Variants in SOD2 observed in about 807,000 individuals in gnomAD.
SOD2 encodes superoxide dismutase 2.
Under a neutral mutation model 27.0 loss-of-function variants are expected in SOD2, and 11 were observed. The observed-to-expected ratio is 0.41, with a 90% CI of 0.26 to 0.67. The LOEUF (loss-of-function observed/expected upper bound fraction) is 0.67, where lower values mean the gene tolerates loss of function less well. Among genes scored for constraint, SOD2 ranks in the 30% least tolerant of loss-of-function variants. The pLI is 0.34. For missense variants in SOD2, 250 were observed against 274.5 expected (o/e 0.91, Z 0.63); for synonymous variants, 105 against 103.0 (o/e 1.02, Z -0.12).
At chr6:159,716,819 G>T (rs1250186837) in intron 1 of SOD2, among the ~76,000 whole-genome samples, 1 of 152,114 alleles carries the variant, frequency 6.6e-6, no homozygotes, top group African/African-American at 2.4e-5. Flanking sequence ...AATTCCAGTA[G>T]CACACTTGTT....
chr6:159,705,699 T>C (rs1048021551), intron 1 of SOD2, among the ~76,000 whole-genome samples: 4 of 152,202 alleles, frequency 2.6e-5, no homozygotes, highest in African/African-American at 9.7e-5. Flanking sequence ...CTCTGCAGGA[T>C]ATTATCCAGG....
At chr6:159,742,299 T>C (rs773529225) in intron 1 of SOD2, among the ~76,000 whole-genome samples, 4 of 152,200 alleles carry the variant, frequency 2.6e-5, no homozygotes, top group Non-Finnish European at 4.4e-5. Flanking sequence ...CAAGAAAATA[T>C]AAAGATGAAT....
chr6:159,749,337 G>T, upstream of SOD2: 1 of 985,520 alleles, frequency 1.0e-6, no homozygotes, highest in Non-Finnish European at 1.2e-6. Flanking sequence ...TTTGTCGTTG[G>T]TGTTAATGGG....
chr6:159,749,439 T>G, upstream of SOD2: 1 of 984,168 alleles, frequency 1.0e-6, no homozygotes, highest in Non-Finnish European at 1.2e-6. Context: ...TTTTTTTTTT[T>G]TTAAGTTCAA....
intron 1 of SOD2, chr6:159,755,168 A>G (rs752368470): frequency 1.2e-6 from 2 of 1,614,178 alleles, no homozygotes; most frequent in East Asian, 4.5e-5. Context: ...CTCTGCCCCA[A>G]GTACCAGCAG....
At chr6:159,705,807 C>T (rs1326008052) in intron 1 of SOD2, among the ~76,000 whole-genome samples, 375 of 129,422 alleles carry the variant, frequency 2.9e-3, no homozygotes, top group Admixed American at 6.4e-3. Context: ...CTCCAAGACA[C>T]ATAATTGTCA....
upstream of SOD2, among the ~76,000 whole-genome samples, chr6:159,694,217 TAAGTATC>T: frequency 6.6e-6 from 1 of 152,348 alleles, no homozygotes; most frequent in East Asian, 1.9e-4. Flanking sequence ...AGTAAGCTGT[TAAGTATC>T]AAGTGCTCTC....
At chr6:159,700,763 C>G (rs1777510657) in intron 1 of SOD2, among the ~76,000 whole-genome samples, 1 of 151,726 alleles carries the variant, frequency 6.6e-6, no homozygotes, top group East Asian at 1.9e-4. Context: ...AAATGAAGAA[C>G]AAATATCTCT....
Position 159,676,865 on chromosome 6 carries a change from A to G in SOD2, c.*5628T>C, listed in dbSNP as rs1321765532. 1.3e-5 allele frequency: 2 copies of G among 152,240 alleles called. No homozygotes were observed. Among genetic ancestry groups the G allele is most frequent in the Admixed American group, 6.5e-5 (1 of 15,280 alleles). The allele number at this position is 152,240 out of a possible 1,614,324, so 9.4% of individuals were successfully genotyped here. A position where few individuals can be genotyped will look rare whatever the true frequency, so the allele number is the denominator to read the frequency against. On this transcript the variant is annotated 3_prime_UTR_variant, in exon 5 of 5. Coordinates refer to ENST00000538183, the MANE Select transcript of SOD2 (RefSeq NM_000636.4). ...CAATATCCCACAGGTGCTCTGGTAA[A>G]ATCTCCAAGACCAGGACCCAGGTCT...
chr6:159,701,849 G>A (rs1029970887), intron 1 of SOD2, among the ~76,000 whole-genome samples: 4 of 152,124 alleles, frequency 2.6e-5, no homozygotes, highest in African/African-American at 4.8e-5. Flanking sequence ...ATTTCAGTGG[G>A]GATTTTAGGA....
intron 1 of SOD2, among the ~76,000 whole-genome samples, chr6:159,759,538 C>T (rs62437348): frequency 0.21 from 31,780 of 151,380 alleles, 3,472 homozygotes; most frequent in East Asian, 0.4. Flanking sequence ...GGCATGATGG[C>T]ACGGGCCTGT....
intron 1 of SOD2, among the ~76,000 whole-genome samples, chr6:159,706,780 T>C (rs990303708): frequency 4.6e-5 from 7 of 152,268 alleles, no homozygotes; most frequent in Admixed American, 4.6e-4. Context: ...AATAGACACC[T>C]ACAGAACTCT....
At chr6:159,715,155 G>A (rs1027605481) in intron 1 of SOD2, among the ~76,000 whole-genome samples, 1 of 152,018 alleles carries the variant, frequency 6.6e-6, no homozygotes, top group Non-Finnish European at 1.5e-5. Context: ...GTAGGAGAGA[G>A]TTTGGATGGG....
At chr6:159,690,070 G>A (rs2114784498) in intron 2 of SOD2, among the ~76,000 whole-genome samples, 1 of 150,956 alleles carries the variant, frequency 6.6e-6, no homozygotes, top group African/African-American at 2.4e-5. Context: ...GATCACTTGA[G>A]GTCAGGAGTT....
intron 2 of SOD2, among the ~76,000 whole-genome samples, chr6:159,688,538 CAAAAT>C (rs111266120): frequency 1.3e-5 from 2 of 152,178 alleles, no homozygotes; most frequent in African/African-American, 4.8e-5. Context: ...AGAGGACAAT[CAAAAT>C]AATAGAATGC....
chr6:159,674,681 T>A lies in SOD2; in HGVS notation c.*7812A>T, dbSNP rs1177190801. On this transcript the variant is annotated 3_prime_UTR_variant, in exon 5 of 5. Coordinates refer to ENST00000538183, the MANE Select transcript of SOD2 (RefSeq NM_000636.4). ...AACTGGAAGCATTCCCTTTGAAAAC[T>A]GGCACAAGACAGGGATGCCCTCTCT... The A allele has an allele frequency of 6.6e-6, 1 of 152,210 alleles. No individual in the cohort carries two copies. Among genetic ancestry groups the A allele is most frequent in the East Asian group, 1.9e-4 (1 of 5,190 alleles). 9.4% of individuals were successfully genotyped at this position (152,210 alleles called of 1,614,324 possible).
chr6:159,740,798 G>A (rs950854004), intron 1 of SOD2, among the ~76,000 whole-genome samples: 2 of 151,332 alleles, frequency 1.3e-5, no homozygotes, highest in African/African-American at 4.9e-5. Flanking sequence ...CCGCCTCCCG[G>A]TCAAGCGGTT....
intron 1 of SOD2, chr6:159,755,143 G>A (rs1436991218): frequency 6.2e-7 from 1 of 1,614,166 alleles, no homozygotes; most frequent in Admixed American, 1.7e-5. Flanking sequence ...AGTACCAGCA[G>A]CAGCAGTCTC....
At chr6:159,706,948 C>T (rs1426631052) in intron 1 of SOD2, among the ~76,000 whole-genome samples, 1 of 152,102 alleles carries the variant, frequency 6.6e-6, no homozygotes, top group Non-Finnish European at 1.5e-5. Context: ...CAAACTAGAA[C>T]TCAGGATTAA....
Sources: allele counts gnomAD v4.1 joint callset (sites outside exome capture counted in the v4.1 genomes callset), GRCh38; gene constraint gnomAD v4.1.1; transcripts MANE v1.5; gene names NCBI Gene and HGNC (gene_info 2026-07-23, HGNC 2026-07-21).